The following TLK1 variants were observed in gnomAD, a reference collection of about 807,000 sequenced individuals.
TLK1 encodes tousled like kinase 1, also known as serine/threonine-protein kinase tousled-like 1.
In TLK1, 24 loss-of-function variants were observed where a neutral mutation model predicts 105.3. That is an observed-to-expected ratio of 0.23 (90% CI 0.17 to 0.32). The LOEUF is 0.32. Among genes scored for constraint, TLK1 ranks in the 10% least tolerant of loss-of-function variants. The pLI is 1.00. For missense variants in TLK1, 558 were observed against 910.5 expected, an observed-to-expected ratio of 0.61 and a Z score of 4.98; for synonymous variants, 321 against 310.4, an observed-to-expected ratio of 1.03 and a Z score of -0.36.
chr2:171,208,566 C>T (rs1185987350), intron 1 of TLK1, among the ~76,000 whole-genome samples: 2 of 152,082 alleles, frequency 1.3e-5, no homozygotes, highest in African/African-American at 4.8e-5. Flanking sequence ...TGCATGTACT[C>T]CCAGAACAAC....
At chr2:171,134,158 T>A (rs1252893578) in intron 1 of TLK1, among the ~76,000 whole-genome samples, 1 of 152,218 alleles carries the variant, frequency 6.6e-6, no homozygotes, top group Non-Finnish European at 1.5e-5. Context: ...CAAGGTATGA[T>A]TAATTCTATA....
intron 2 of TLK1, among the ~76,000 whole-genome samples, chr2:171,113,606 ATG>A (rs1455499679): frequency 6.6e-6 from 1 of 152,150 alleles, no homozygotes; most frequent in Non-Finnish European, 1.5e-5. Flanking sequence ...TAAATCATAT[ATG>A]TGTTAATTAT....
intron 1 of TLK1, among the ~76,000 whole-genome samples, chr2:171,121,970 C>T (rs748402608): frequency 6.6e-6 from 1 of 152,118 alleles, no homozygotes; most frequent in Non-Finnish European, 1.5e-5. Flanking sequence ...TTTTTTGAGA[C>T]GCAGTCTCAC....
At chr2:171,076,909 T>C (rs1247323920) in intron 3 of TLK1, among the ~76,000 whole-genome samples, 3 of 149,680 alleles carry the variant, frequency 2.0e-5, no homozygotes, top group Non-Finnish European at 1.5e-5. Context: ...TGAGACTCTG[T>C]CTCAAAAAAA....
At chr2:171,210,480 T>C (rs1575660245) in intron 1 of TLK1, among the ~76,000 whole-genome samples, 1 of 151,814 alleles carries the variant, frequency 6.6e-6, no homozygotes, top group Non-Finnish European at 1.5e-5. Context: ...CAAGACCACA[T>C]CTAGGCAAGT....
Position 171,160,506 on chromosome 2 carries a change from G to A in TLK1, c.-78C>T. On this transcript the variant is annotated 5_prime_UTR_variant, in exon 1 of 21. Transcript: ENST00000431350. This position sits in a 1 kb window ranked among gnomAD's most constrained non-coding sequence, Gnocchi z 4.4. ...CGGCACCGGCACCCGCCTCCGTCATGGCGGGGGCCGCGCTGAGGGCGAGCG... is the reference window on the plus strand; with the variant it reads ...CGGCACCGGCACCCGCCTCCGTCATAGCGGGGGCCGCGCTGAGGGCGAGCG... 1 of 1,569,662 alleles carries A rather than the reference G, an allele frequency of 6.4e-7. No homozygotes were observed. The highest frequency in any genetic ancestry group is 8.6e-7 in the Non-Finnish European group (1 of 1,163,526).
At chr2:171,014,815 A>G in intron 13 of TLK1, 36 bp downstream of exon 13, 1 of 1,487,808 alleles carries the variant, frequency 6.7e-7, no homozygotes, top group Non-Finnish European at 9.4e-7. Flanking sequence ...GGTAGTTTTA[A>G]TAATATGAAA....
At chr2:171,149,996 A>T (rs919957315) in intron 1 of TLK1, among the ~76,000 whole-genome samples, 15 of 152,342 alleles carry the variant, frequency 9.8e-5, no homozygotes, top group African/African-American at 3.6e-4. Flanking sequence ...AAAATAAAAA[A>T]TAGCCAGATA....
rs770011437 is a variant in TLK1, at chr2:171,014,866, T to C, written c.1319A>G (p.Asn440Ser). 1.9e-6 allele frequency: 3 copies of C among 1,612,056 alleles called. No individual in the cohort carries two copies. The highest frequency in any genetic ancestry group is 1.7e-6 in the Non-Finnish European group (2 of 1,178,344). ...LHIRELKRINNEDNSQFKDHP... is the reference protein window; with the variant it reads ...LHIRELKRINSEDNSQFKDHP... Reference sequence around the variant, plus strand: ...AATGACTTACTGTGAATTATCTTCATTGTTTATTCTTTTCAGCTCACGTAT... The same window carrying C: ...AATGACTTACTGTGAATTATCTTCACTGTTTATTCTTTTCAGCTCACGTAT... The change falls in exon 13 of 21, where the codon AAT (asparagine) becomes AGT (serine). Residue 440 changes from asparagine to serine, a missense_variant. By Grantham distance (46) the Asn-to-Ser change is conservative. Coordinates refer to ENST00000431350, the MANE Select transcript of TLK1 (RefSeq NM_012290.5).
At chr2:171,229,675 G>A (rs1008411945) in intron 1 of TLK1, among the ~76,000 whole-genome samples, 9 of 152,184 alleles carry the variant, frequency 5.9e-5, no homozygotes, top group African/African-American at 2.2e-4. Context: ...CTTTGCATTT[G>A]CACAACTAAG....
intron 12 of TLK1, among the ~76,000 whole-genome samples, chr2:171,022,505 T>C (rs994750644): frequency 1.3e-5 from 2 of 152,162 alleles, no homozygotes; most frequent in Non-Finnish European, 2.9e-5. Context: ...CTTTTTCCAG[T>C]ATAGTATACT....
At chr2:171,143,506 C>CAAAAAAA (rs577555732) in intron 1 of TLK1, among the ~76,000 whole-genome samples, 3 of 44,304 alleles carry the variant, frequency 6.8e-5, no homozygotes, top group African/African-American at 1.6e-4. Flanking sequence ...ACTCTATCTC[C>CAAAAAAA]AAAAAAAAAA....
At chr2:171,120,249 A>G (rs1037455819) in intron 1 of TLK1, among the ~76,000 whole-genome samples, 7 of 62,154 alleles carry the variant, frequency 1.1e-4, no homozygotes, top group Admixed American at 2.8e-4. Context: ...ACTCCGTCAG[A>G]AAAAAAAAAA....
chr2:171,081,578 G>C (rs1688755795), intron 3 of TLK1: 1 of 1,132,810 alleles, frequency 8.8e-7, no homozygotes, highest in Non-Finnish European at 1.2e-6. Context: ...CTTAGTATAA[G>C]TATGTTAATT....
intron 2 of TLK1, among the ~76,000 whole-genome samples, chr2:171,097,973 GGAGAGAGAAA>G (rs1222182513): frequency 2.6e-5 from 4 of 151,496 alleles, no homozygotes; most frequent in South Asian, 4.2e-4. Context: ...GGAGAGAGAG[GGAGAGAGAAA>G]GAGAGAGAAA....
chr2:171,044,478 G>A (rs1404189931), intron 11 of TLK1, among the ~76,000 whole-genome samples: 1 of 152,148 alleles, frequency 6.6e-6, no homozygotes, highest in Non-Finnish European at 1.5e-5. Context: ...GGCTGCATTA[G>A]AAGTTCCTGT....
At chr2:171,112,938 A>C (rs896892240) in intron 2 of TLK1, among the ~76,000 whole-genome samples, 2 of 152,312 alleles carry the variant, frequency 1.3e-5, no homozygotes, top group African/African-American at 2.4e-5. Context: ...AGTAGTCCCT[A>C]ATCTACAAAT....
chr2:171,115,365 G>A (rs1007230327), intron 2 of TLK1, among the ~76,000 whole-genome samples: 14 of 151,722 alleles, frequency 9.2e-5, no homozygotes, highest in South Asian at 4.2e-4. Context: ...TAATAGAGAC[G>A]GGGTTTCTCC....
chr2:171,028,448 C>T (rs1426813420), intron 11 of TLK1, 43 bp from the exon 12 acceptor site: 1 of 1,301,508 alleles, frequency 7.7e-7, no homozygotes, highest in African/African-American at 1.5e-5. Context: ...GAGATTAATA[C>T]TTAGTTTATT....
Sources: gnomAD v4.1 joint callset for allele counts (sites outside exome capture counted in the v4.1 genomes callset) on GRCh38, gnomAD v4.1.1 for gene constraint, Gnocchi (gnomAD v3.1) non-coding constraint, MANE v1.5 for transcripts, NCBI Gene and HGNC (gene_info 2026-07-23, HGNC 2026-07-21) for gene names.